The following DNAH10 variants were observed in gnomAD, a reference collection of about 807,000 sequenced individuals.
DNAH10 encodes dynein axonemal heavy chain 10, also known as axonemal beta dynein heavy chain 10.
A neutral mutation model predicts 506.6 loss-of-function variants in DNAH10; 348 were observed. That is an observed-to-expected ratio of 0.69 (90% CI 0.63 to 0.75). DNAH10 has a LOEUF of 0.75. DNAH10 is among the 30% of genes least tolerant of loss of function. DNAH10 has a pLI of 0.00. For synonymous variants in DNAH10, 2,059 were observed against 2,198.6 expected (o/e 0.94, Z 1.78); for missense variants, 5,179 against 5,787.1 (o/e 0.89, Z 3.41).
Position 123,926,716 on chromosome 12 carries a change from A to G in DNAH10, c.12001A>G (p.Ser4001Gly). 1 of 1,613,990 alleles carries G rather than the reference A, an allele frequency of 6.2e-7. No individual in the cohort carries two copies. Among genetic ancestry groups the G allele is most frequent in the South Asian group, 1.1e-5 (1 of 91,086 alleles). ...ACATTCGCCCATTGTGTTTATCCTG[A>G]GTCCTGGCTCCGACCCTGCCACTGA... ...TPHSPIVFIL[S>G]PGSDPATDLM... is the part of the protein sequence containing the mutation. The change falls in exon 69 of 79, where the codon AGT (serine) becomes GGT (glycine). Residue 4001 changes from serine (S) to glycine (G), a missense_variant. Around this residue, in one of 3 missense-constraint regions of DNAH10, gnomAD observed 4,844 missense variants for 5,430.5 expected, o/e 0.89. Transcript: ENST00000673944. This position sits in a 1 kb window ranked among gnomAD's most constrained non-coding sequence, Gnocchi z 4.1.
chr12:123,857,614 G>C (rs1951447637), intron 37 of DNAH10, among the ~76,000 whole-genome samples: 1 of 152,210 alleles, frequency 6.6e-6, no homozygotes, highest in East Asian at 1.9e-4. Flanking sequence ...TGTAGTCTCA[G>C]CTTCTTGGGA....
chr12:123,793,018 A>G lies in DNAH10; in HGVS notation c.1816-924A>G, dbSNP rs1958140180. Among the ~76,000 whole-genome samples the G allele has an allele frequency of 2.0e-5, 3 of 152,210 alleles. No individual in the cohort carries two copies. In the South Asian group the frequency reaches 6.2e-4, roughly 32 times the overall value. ...GGTTGAAAATCACCTTTCTTTAGAA[A>G]TTTGAAGTTTTTAAAATTGATTTCT... On this transcript the variant is annotated intron_variant, in intron 11 of 78. Transcript: ENST00000673944.
intron 37 of DNAH10, among the ~76,000 whole-genome samples, chr12:123,858,563 C>T (rs929128298): frequency 2.6e-5 from 4 of 152,286 alleles, no homozygotes; most frequent in Non-Finnish European, 5.9e-5. Context: ...TACCATAAGA[C>T]CCAGCAATTT....
chr12:123,860,871 G>A (rs1368247349), intron 38 of DNAH10, 141 bp from the exon 39 acceptor site: 3 of 1,026,888 alleles, frequency 2.9e-6, no homozygotes, highest in African/African-American at 1.6e-5. Context: ...GTGAAGGGAA[G>A]CCCAGTGAAG....
intron 11 of DNAH10, 89 bp from the exon 12 acceptor site, chr12:123,793,853 C>A: frequency 1.9e-6 from 2 of 1,044,558 alleles, no homozygotes; most frequent in Non-Finnish European, 1.2e-6. Flanking sequence ...TGTCCCAAAC[C>A]ACTGATTTTT....
At chr12:123,912,400 G>T (rs1954246472) in intron 59 of DNAH10, among the ~76,000 whole-genome samples, 1 of 48,974 alleles carries the variant, frequency 2.0e-5, no homozygotes, top group Non-Finnish European at 3.6e-5. Flanking sequence ...GTCTGTCCTG[G>T]GGGGGGTCTG....
intron 52 of DNAH10, among the ~76,000 whole-genome samples, chr12:123,891,814 G>A (rs1952995656): frequency 6.6e-6 from 1 of 152,192 alleles, no homozygotes; most frequent in Non-Finnish European, 1.5e-5. Context: ...AGTCATTACA[G>A]CAAAAGGACA....
chr12:123,898,699 C>T lies in DNAH10; in HGVS notation c.9525C>T (p.Ala3175=). 2 of 1,600,742 alleles carry T rather than the reference C, an allele frequency of 1.2e-6. No homozygotes were observed. The highest frequency in any genetic ancestry group is 1.7e-6 in the Non-Finnish European group (2 of 1,174,046). Residue 3175 remains alanine (A), a synonymous_variant, in exon 56 of 79, where the codon GCC becomes GCT. Transcript: ENST00000673944. ...GGGGACTGGACAAGCTGAAGGAGGC[C>T]ACCATCCAGCTGGACGAGCTGAACC... ...LDGGLDKLKE[A]TIQLDELNQK... is the part of the protein sequence containing the mutation.
chr12:123,896,533 C>T (rs75710798), intron 54 of DNAH10, among the ~76,000 whole-genome samples: 8,388 of 152,142 alleles, frequency 0.055, 313 homozygotes, highest in Non-Finnish European at 0.085. Context: ...TGTCATCCAG[C>T]GGTGGGTAAC....
intron 13 of DNAH10, 93 bp from the exon 14 acceptor site, chr12:123,799,153 T>C (rs1958389744): frequency 1.5e-5 from 11 of 757,294 alleles, no homozygotes; most frequent in Non-Finnish European, 1.9e-5. Flanking sequence ...ATTTATATAT[T>C]ATATTTATAA....
chr12:123,846,192 T>G lies in DNAH10; in HGVS notation c.5814+38T>G. On this transcript the variant is annotated intron_variant, in intron 32 of 78. Transcript: ENST00000673944. This position sits in a 1 kb window ranked among gnomAD's most constrained non-coding sequence, Gnocchi z 4.5. ...CTGGCACTTGTGGTTACCACTTACC[T>G]TGGGGCGGGGCATTTTCTCTAAGCT... 1 of 1,585,530 alleles carries G rather than the reference T, an allele frequency of 6.3e-7. No homozygotes were observed. The highest frequency in any genetic ancestry group is 1.8e-5 in the Admixed American group (1 of 56,930).
chr12:123,881,773 A>C lies in DNAH10; in HGVS notation c.8783A>C (p.Gln2928Pro). The C allele has an allele frequency of 6.5e-7, 1 of 1,528,036 alleles. No homozygotes were observed. The highest frequency in any genetic ancestry group is 8.8e-7 in the Non-Finnish European group (1 of 1,136,346). 94.7% of individuals were successfully genotyped at this position (1,528,036 alleles called of 1,614,324 possible). Residue 2928 changes from glutamine to proline, a missense_variant, in exon 51 of 79, where the codon CAG becomes CCG. Transcript: ENST00000673944. ...LLVGVGGSGK[Q>P]SLSRLAAFTA... ...GTCGGGGTAGGGGGCTCAGGGAAGC[A>C]GTCTCTTTCGAGGCTGGCTGCCTTC...
At chr12:123,882,530 T>C (rs7300037) in intron 51 of DNAH10, among the ~76,000 whole-genome samples, 76,452 of 151,982 alleles carry the variant, frequency 0.5, 19,490 homozygotes, top group Middle Eastern at 0.52. Flanking sequence ...TGGTGGCTCA[T>C]ACCAGTAATC....
chr12:123,916,605 G>A lies in DNAH10; in HGVS notation c.10871G>A (p.Arg3624Gln), dbSNP rs375217171. The change falls in exon 63 of 79, where the codon CGG becomes CAG. Residue 3624 changes from arginine to glutamine, a missense_variant. Physicochemically the swap from Arg to Gln is conservative, Grantham distance 43. Around this residue, in one of 3 missense-constraint regions of DNAH10, gnomAD observed 4,844 missense variants for 5,430.5 expected, o/e 0.89. Coordinates refer to ENST00000673944, the MANE Select transcript of DNAH10 (RefSeq NM_001372106.1). The surrounding 1 kb of genome is among the most constrained non-coding windows in gnomAD (Gnocchi z 4.6). ...AAAAATATAAAAGTCTCCCAAGGAC[G>A]GCAGTTTATTATCCTGGGAGACAAG... ...LEKNIKVSQG[R>Q]QFIILGDKEV... is the part of the protein sequence containing the mutation. 6.9e-5 allele frequency: 112 copies of A among 1,613,720 alleles called. 1 individual carries two copies. Among genetic ancestry groups the A allele is most frequent in the South Asian group, 6.5e-4 (59 of 91,074 alleles).
chr12:123,795,419 T>C (rs1484830191), intron 12 of DNAH10, among the ~76,000 whole-genome samples: 1 of 152,094 alleles, frequency 6.6e-6, no homozygotes, highest in Non-Finnish European at 1.5e-5. Flanking sequence ...AGGGCTGTGT[T>C]CCCTTCGGGA....
Position 123,928,949 on chromosome 12 carries a change from A to AT in DNAH10, c.12307-324dup. On this transcript the variant is annotated intron_variant, in intron 70 of 78. Coordinates refer to ENST00000673944, the MANE Select transcript of DNAH10 (RefSeq NM_001372106.1). The surrounding 1 kb of genome is among the most constrained non-coding windows in gnomAD (Gnocchi z 4.9). ...CCCCATTTAATTTATTCTCCGGGAA[A>AT]TTCTTTTGGAAAGGTTTTGTCATTC... The AT allele has an allele frequency of 2.1e-6, 1 of 467,224 alleles. No homozygotes were observed. Among genetic ancestry groups the AT allele is most frequent in the South Asian group, 3.3e-5 (1 of 30,404 alleles). The allele number at this position is 467,224 out of a possible 1,614,324, so 28.9% of individuals were successfully genotyped here.
intron 2 of DNAH10, among the ~76,000 whole-genome samples, chr12:123,770,556 A>C (rs1957215424): frequency 6.8e-6 from 1 of 147,400 alleles, no homozygotes; most frequent in African/African-American, 2.5e-5. Context: ...ACTGCTGTCT[A>C]TAGACTATTC....
chr12:123,895,104 T>C (rs963075712), intron 54 of DNAH10, among the ~76,000 whole-genome samples: 2 of 152,228 alleles, frequency 1.3e-5, no homozygotes, highest in Admixed American at 6.5e-5. Flanking sequence ...AGCTGAATAA[T>C]TGCAACAGAG....
chr12:123,879,396 C>A, intron 49 of DNAH10, 39 bp downstream of exon 49: 2 of 1,542,732 alleles, frequency 1.3e-6, no homozygotes, highest in Non-Finnish European at 1.7e-6. Context: ...AAATTCTTCT[C>A]AGGAAAATAA....
Sources: gnomAD v4.1 joint callset for allele counts (sites outside exome capture counted in the v4.1 genomes callset) on GRCh38, gnomAD v4.1.1 for gene constraint, gnomAD v4.1.1 regional missense constraint, Gnocchi (gnomAD v3.1) non-coding constraint, MANE v1.5 for transcripts, NCBI Gene and HGNC (gene_info 2026-07-23, HGNC 2026-07-21) for gene names.